The following LRRC4C variants were observed in gnomAD, a reference collection of about 807,000 sequenced individuals.
LRRC4C encodes the protein leucine-rich repeat-containing protein 4C.
A neutral mutation model predicts 33.6 loss-of-function variants in LRRC4C; 5 were observed. The observed-to-expected ratio is 0.15, with a 90% CI of 0.08 to 0.31. The LOEUF (loss-of-function observed/expected upper bound fraction) is 0.31, where lower values mean the gene tolerates loss of function less well. LRRC4C is among the 10% of genes least tolerant of loss of function. LRRC4C has a pLI of 1.00. For missense variants in LRRC4C, 560 were observed against 796.7 expected (o/e 0.70, Z 3.58); for synonymous variants, 329 against 302.0 (o/e 1.09, Z -0.93).
rs574456976 is a variant in LRRC4C at position 41,105,944 on chromosome 11, A to C, written c.-495-172221T>G. ...TCTCTCTCTTTTTATCAAGTACTGAATAAAAGAATCATTACAGTCTCTTGC... is the reference window on the plus strand; with the variant it reads ...TCTCTCTCTTTTTATCAAGTACTGACTAAAAGAATCATTACAGTCTCTTGC... On this transcript the variant is annotated intron_variant, in intron 1 of 6. Coordinates refer to ENST00000528697, the MANE Select transcript of LRRC4C (RefSeq NM_001258419.2). Among the ~76,000 whole-genome samples, 9 of 152,268 alleles carry C rather than the reference A, an allele frequency of 5.9e-5. No individual in the cohort carries two copies. The South Asian group carries it at 1.4e-3, about 25-fold the overall frequency.
chr11:40,804,111 T>G (rs1296161817), intron 2 of LRRC4C, among the ~76,000 whole-genome samples: 1 of 152,174 alleles, frequency 6.6e-6, no homozygotes, highest in African/African-American at 2.4e-5. Context: ...GGAAGGATCT[T>G]TTACTAATTT....
chr11:41,138,256 A>T (rs144981749), intron 1 of LRRC4C, among the ~76,000 whole-genome samples: 171 of 152,364 alleles, frequency 1.1e-3, no homozygotes, highest in African/African-American at 4.0e-3. Context: ...GTCAAGTTTC[A>T]GTGTCATAGG....
At chr11:40,633,356 T>C (rs948198241) in intron 3 of LRRC4C, among the ~76,000 whole-genome samples, 1 of 42,758 alleles carries the variant, frequency 2.3e-5, no homozygotes, top group Non-Finnish European at 4.3e-5. Flanking sequence ...TTTCTTTCTT[T>C]CTTTCTTTCT....
At chr11:40,524,678 C>A (rs1414664657) in intron 3 of LRRC4C, among the ~76,000 whole-genome samples, 1 of 152,098 alleles carries the variant, frequency 6.6e-6, no homozygotes, top group African/African-American at 2.4e-5. Flanking sequence ...ATCTTCATAA[C>A]CTCATACAGC....
At chr11:41,204,787 A>G (rs1946533144) in intron 1 of LRRC4C, among the ~76,000 whole-genome samples, 1 of 152,134 alleles carries the variant, frequency 6.6e-6, no homozygotes, top group African/African-American at 2.4e-5. Context: ...TATGGAATAT[A>G]ATGATGTAAA....
chr11:40,162,651 T>C (rs1859255097), intron 5 of LRRC4C, among the ~76,000 whole-genome samples: 1 of 152,196 alleles, frequency 6.6e-6, no homozygotes, highest in Admixed American at 6.5e-5. Flanking sequence ...GCTTGTTTCC[T>C]TGTTTTGTTG....
At chr11:40,830,954 C>T (rs1490602196) in intron 2 of LRRC4C, among the ~76,000 whole-genome samples, 1 of 152,064 alleles carries the variant, frequency 6.6e-6, no homozygotes, top group Non-Finnish European at 1.5e-5. Context: ...TTTGAACCAC[C>T]CAAAGACACT....
intron 3 of LRRC4C, among the ~76,000 whole-genome samples, chr11:40,437,071 C>G (rs984495689): frequency 2.6e-5 from 4 of 152,058 alleles, no homozygotes; most frequent in African/African-American, 9.7e-5. Context: ...TTTTTGTGGG[C>G]TTTAACTTTT....
At chr11:40,604,581 C>T (rs1237078871) in intron 3 of LRRC4C, among the ~76,000 whole-genome samples, 1 of 151,944 alleles carries the variant, frequency 6.6e-6, no homozygotes, top group Non-Finnish European at 1.5e-5. Context: ...TACTTCTTGG[C>T]TTTGTAATCT....
At chr11:40,119,007 G>A (rs1855636442) in intron 6 of LRRC4C, among the ~76,000 whole-genome samples, 3 of 152,096 alleles carry the variant, frequency 2.0e-5, no homozygotes, top group Non-Finnish European at 4.4e-5. Flanking sequence ...CAGTTTCAAG[G>A]CCAGCACTTC....
intron 1 of LRRC4C, among the ~76,000 whole-genome samples, chr11:41,255,208 T>A (rs971305432): frequency 2.0e-5 from 3 of 152,138 alleles, no homozygotes; most frequent in South Asian, 4.1e-4. Context: ...TACAGATGGA[T>A]CTTCTTCTCT....
intron 1 of LRRC4C, among the ~76,000 whole-genome samples, chr11:40,956,443 T>G (rs999039567): frequency 1.3e-5 from 2 of 151,734 alleles, no homozygotes; most frequent in Non-Finnish European, 2.9e-5. Context: ...TCAGAAATAC[T>G]GGGCACTGTT....
chr11:41,180,677 G>T (rs1379449269), intron 1 of LRRC4C, among the ~76,000 whole-genome samples: 1 of 152,094 alleles, frequency 6.6e-6, no homozygotes, highest in Non-Finnish European at 1.5e-5. Context: ...CAGTACTGCT[G>T]CCCTGACTAA....
chr11:40,777,507 T>TG (rs1051886841), intron 2 of LRRC4C, among the ~76,000 whole-genome samples: 1 of 151,528 alleles, frequency 6.6e-6, no homozygotes, highest in African/African-American at 2.4e-5. Context: ...CTGTTTTTTT[T>TG]TTTTTTTTTT....
intron 3 of LRRC4C, among the ~76,000 whole-genome samples, chr11:40,497,676 C>T (rs1451823992): frequency 6.6e-6 from 1 of 152,158 alleles, no homozygotes; most frequent in Admixed American, 6.6e-5. Flanking sequence ...CTCCCATTTG[C>T]ATAGCAGATA....
intron 1 of LRRC4C, among the ~76,000 whole-genome samples, chr11:40,957,920 T>C (rs888718832): frequency 5.9e-5 from 9 of 151,628 alleles, no homozygotes; most frequent in Non-Finnish European, 8.9e-5. Flanking sequence ...CCTTTCCAAT[T>C]CAAATGTTGA....
intron 4 of LRRC4C, among the ~76,000 whole-genome samples, chr11:40,257,264 AC>A (rs1867282831): frequency 1.4e-5 from 1 of 72,366 alleles, no homozygotes; most frequent in African/African-American, 3.1e-5. Context: ...AGAAGACTAA[AC>A]AAAACAAAAT....
At chr11:40,458,547 T>A in intron 3 of LRRC4C, among the ~76,000 whole-genome samples, 1 of 152,188 alleles carries the variant, frequency 6.6e-6, no homozygotes, top group African/African-American at 2.4e-5. Flanking sequence ...GTGAAGTTTC[T>A]CTGTTCTTTC....
intron 3 of LRRC4C, among the ~76,000 whole-genome samples, chr11:40,506,442 A>G (rs1246538400): frequency 1.3e-5 from 2 of 152,210 alleles, no homozygotes; most frequent in Admixed American, 6.5e-5. Context: ...CATTACAAGA[A>G]AACTTCCTCT....
Sources: gnomAD v4.1 joint callset for allele counts (sites outside exome capture counted in the v4.1 genomes callset) on GRCh38, gnomAD v4.1.1 for gene constraint, MANE v1.5 for transcripts, NCBI Gene and HGNC (gene_info 2026-07-23, HGNC 2026-07-21) for gene names.